Variants in RLF observed in about 807,000 individuals in gnomAD.
RLF encodes zinc finger protein Rlf.
Under a neutral mutation model 162.9 loss-of-function variants are expected in RLF, and 7 were observed. The ratio of observed to expected loss-of-function variants is 0.04; its 90% confidence interval spans 0.02 to 0.08. The LOEUF is 0.08. RLF is among the 10% of genes least tolerant of loss of function. The probability of loss-of-function intolerance (pLI) is 1.00; values close to 1 mark genes in which losing one functional copy is unlikely to be tolerated. For missense variants in RLF, 1,664 were observed against 2,244.7 expected (o/e 0.74, Z 5.23); for synonymous variants, 782 against 791.5 (o/e 0.99, Z 0.20).
In RLF at chr1:40,161,939, C is replaced by T. The variant is rs548241176; in HGVS notation, c.237+303C>T. 2.9e-3 allele frequency among the ~76,000 whole-genome samples: 441 copies of T among 152,328 alleles called. 5 individuals carry two copies. Among genetic ancestry groups the T allele is most frequent in the African/African-American group, 0.01 (423 of 41,580 alleles). On this transcript the variant is annotated intron_variant, in intron 1 of 7. Transcript: ENST00000372771. This position sits in a 1 kb window ranked among gnomAD's most constrained non-coding sequence, Gnocchi z 4.4. ...CTGTGTCCTGGCCGGGTGGTTGGAGCGCCACTGCCCCCTGAGGGATTGATT... is the reference window on the plus strand; with the variant it reads ...CTGTGTCCTGGCCGGGTGGTTGGAGTGCCACTGCCCCCTGAGGGATTGATT...
chr1:40,208,664 A>G (rs1304656268), intron 5 of RLF, among the ~76,000 whole-genome samples: 1 of 147,066 alleles, frequency 6.8e-6, no homozygotes, highest in East Asian at 2.0e-4. Context: ...AAAAAAATGC[A>G]GAACTTAGCT....
intron 5 of RLF, among the ~76,000 whole-genome samples, chr1:40,205,201 C>A (rs1642773638): frequency 6.6e-6 from 1 of 152,144 alleles, no homozygotes; most frequent in Non-Finnish European, 1.5e-5. Context: ...TGCCTGTAAT[C>A]CCAGCACTTA....
intron 7 of RLF, among the ~76,000 whole-genome samples, chr1:40,235,304 C>T (rs1212186792): frequency 2.6e-5 from 4 of 152,012 alleles, no homozygotes; most frequent in Non-Finnish European, 5.9e-5. Context: ...ACACCTGCCT[C>T]GGCCTCCCAA....
At position 40,240,402 on chromosome 1, in the gene RLF, A is replaced by G; in HGVS notation, c.5700A>G (p.Leu1900=). Residue 1900 remains leucine, a synonymous_variant, in exon 8 of 8, where the codon TTA becomes TTG. Coordinates refer to ENST00000372771, the MANE Select transcript of RLF (RefSeq NM_012421.4). The part of the protein sequence containing the change: ...RSKFSTPILD[L]FPTKKTDELC... Reference sequence around the variant, plus strand: ...AGTTTTCCACACCAATTTTAGACTTATTTCCAACAAAAAAGACAGATGAGC... The same window carrying G: ...AGTTTTCCACACCAATTTTAGACTTGTTTCCAACAAAAAAGACAGATGAGC... The G allele has an allele frequency of 6.2e-7, 1 of 1,613,858 alleles. No homozygotes were observed. The highest frequency in any genetic ancestry group is 8.5e-7 in the Non-Finnish European group (1 of 1,179,946).
chr1:40,180,759 G>C (rs1247684303), intron 1 of RLF, among the ~76,000 whole-genome samples: 1 of 152,082 alleles, frequency 6.6e-6, no homozygotes, highest in Non-Finnish European at 1.5e-5. Context: ...GTGTTGTTGA[G>C]TTTTAGGAGG....
chr1:40,223,598 CTCA>C (rs1643023139), intron 6 of RLF, among the ~76,000 whole-genome samples: 1 of 152,180 alleles, frequency 6.6e-6, no homozygotes, highest in Non-Finnish European at 1.5e-5. Context: ...TACTTCAGCC[CTCA>C]TTGATCTCCC....
intron 1 of RLF, among the ~76,000 whole-genome samples, chr1:40,178,643 T>TG (rs1642363833): frequency 7.3e-6 from 1 of 137,704 alleles, no homozygotes; most frequent in African/African-American, 3.3e-5. Flanking sequence ...TTTTTTTTTT[T>TG]TTTTTGGAGA....
chr1:40,162,779 A>G (rs1177995315), intron 1 of RLF, among the ~76,000 whole-genome samples: 1 of 152,170 alleles, frequency 6.6e-6, no homozygotes, highest in Non-Finnish European at 1.5e-5. Flanking sequence ...TACCACTCCA[A>G]TTTTTGTGTG....
chr1:40,239,008 G>A lies in RLF; in HGVS notation c.4306G>A (p.Gly1436Arg). 2 of 1,614,138 alleles carry A rather than the reference G, an allele frequency of 1.2e-6. No homozygotes were observed. The highest frequency in any genetic ancestry group is 1.7e-6 in the Non-Finnish European group (2 of 1,180,008). The change falls in exon 8 of 8, where the codon GGG becomes AGG. Residue 1436 changes from glycine (G) to arginine (R), a missense_variant. Gly to Arg is a moderately radical substitution (Grantham distance 125). This residue lies in a region of RLF where 200 missense variants were observed against 207.3 expected (regional missense o/e 0.96). Transcript: ENST00000372771. ...HHLMEQHNIE[G>R]EIHSDYEIHC... is the part of the protein sequence containing the mutation. ...CTTGATGGAACAGCATAATATTGAA[G>A]GGGAAATACATTCAGATTATGAAAT...
intron 5 of RLF, among the ~76,000 whole-genome samples, chr1:40,215,485 T>G (rs994522973): frequency 1.3e-5 from 2 of 152,158 alleles, no homozygotes; most frequent in African/African-American, 4.8e-5. Context: ...GAAGGAAATT[T>G]GGGAAATTCA....
At chr1:40,201,636 A>G (rs1642721839) in intron 4 of RLF, among the ~76,000 whole-genome samples, 1 of 151,444 alleles carries the variant, frequency 6.6e-6, no homozygotes, top group South Asian at 2.1e-4. Context: ...AAAAAAAAAA[A>G]AAAAAAAAAA....
At chr1:40,178,281 A>G (rs962528068) in intron 1 of RLF, among the ~76,000 whole-genome samples, 1 of 152,024 alleles carries the variant, frequency 6.6e-6, no homozygotes, top group African/African-American at 2.4e-5. Context: ...CTGTTTGTCT[A>G]CTCTGATGCC....
chr1:40,221,285 C>T (rs1026698047), intron 5 of RLF, among the ~76,000 whole-genome samples: 7 of 151,184 alleles, frequency 4.6e-5, no homozygotes, highest in Non-Finnish European at 8.8e-5. Flanking sequence ...ATATTGCCTG[C>T]CTTGCCAGTC....
chr1:40,237,936 T>C lies in RLF; in HGVS notation c.3234T>C (p.His1078=). The C allele has an allele frequency of 1.2e-6, 2 of 1,614,154 alleles. No homozygotes were observed. Among genetic ancestry groups the C allele is most frequent in the Non-Finnish European group, 1.7e-6 (2 of 1,179,980 alleles). ...KHLSLKNSIT[H]GSFSGSLQGY... is the part of the protein sequence containing the mutation. ...TAAGCTTGAAAAACTCAATAACACA[T>C]GGATCTTTCTCAGGGTCATTGCAGG... is the stretch of plus-strand genomic sequence containing the variant. Residue 1078 remains histidine (H), a synonymous_variant, in exon 8 of 8, where the codon CAT becomes CAC. Transcript: ENST00000372771. This position sits in a 1 kb window ranked among gnomAD's most constrained non-coding sequence, Gnocchi z 4.4.
In RLF at chr1:40,240,474, T is replaced by G; in HGVS notation, c.*27T>G. 6.6e-7 allele frequency: 1 copy of G among 1,520,078 alleles called. No homozygotes were observed. The highest frequency in any genetic ancestry group is 9.0e-7 in the Non-Finnish European group (1 of 1,105,192). 94.2% of individuals were successfully genotyped at this position (1,520,078 alleles called of 1,614,324 possible). On this transcript the variant is annotated 3_prime_UTR_variant, in exon 8 of 8. Transcript: ENST00000372771. ...TAGCAATTTTGTTTTAGTAACAGAC[T>G]GGCTCCAACACTGCAACATGGGGAC...
At chr1:40,191,097 G>C (rs1642551080) in intron 3 of RLF, among the ~76,000 whole-genome samples, 1 of 152,110 alleles carries the variant, frequency 6.6e-6, no homozygotes. Context: ...CAAACATAAA[G>C]TTTAGACAGC....
chr1:40,223,675 TTTTG>T (rs1450103303), intron 6 of RLF, among the ~76,000 whole-genome samples: 2 of 152,240 alleles, frequency 1.3e-5, no homozygotes, highest in Non-Finnish European at 2.9e-5. Context: ...CTATATTTCT[TTTTG>T]TTTATTATTT....
intron 6 of RLF, among the ~76,000 whole-genome samples, chr1:40,226,927 C>G (rs1222895735): frequency 6.6e-6 from 1 of 152,140 alleles, no homozygotes; most frequent in Non-Finnish European, 1.5e-5. Flanking sequence ...TGCAATGGTG[C>G]AGTCTCAGCT....
chr1:40,164,290 T>A (rs1570507663), intron 1 of RLF, among the ~76,000 whole-genome samples: 1 of 152,198 alleles, frequency 6.6e-6, no homozygotes, highest in Non-Finnish European at 1.5e-5. Flanking sequence ...TGGGACCATA[T>A]TCTCTCCAAC....
Sources: allele counts gnomAD v4.1 joint callset (sites outside exome capture counted in the v4.1 genomes callset), GRCh38; gene constraint gnomAD v4.1.1; regional missense constraint gnomAD v4.1.1; non-coding constraint Gnocchi (gnomAD v3.1); transcripts MANE v1.5; gene names NCBI Gene and HGNC (gene_info 2026-07-23, HGNC 2026-07-21).